Variants in NRG1 observed in about 807,000 individuals in gnomAD.
The protein encoded by NRG1 is neuregulin 1.
A neutral mutation model predicts 63.8 loss-of-function variants in NRG1; 18 were observed. The observed-to-expected ratio is 0.28, with a 90% CI of 0.19 to 0.42. The LOEUF (loss-of-function observed/expected upper bound fraction) is 0.42, where lower values mean the gene tolerates loss of function less well. Ranked by LOEUF, NRG1 falls within the 10% of genes least tolerant of loss-of-function variation. The pLI, the probability that NRG1 is intolerant of heterozygous loss-of-function variation, is 1.00. For synonymous variants in NRG1, 302 were observed against 301.3 expected (o/e 1.00, Z -0.02); for missense variants, 762 against 814.7 (o/e 0.94, Z 0.79).
intron 1 of NRG1, among the ~76,000 whole-genome samples, chr8:32,071,409 C>T (rs1413707638): frequency 6.6e-6 from 1 of 152,126 alleles, no homozygotes; most frequent in Non-Finnish European, 1.5e-5. Flanking sequence ...TAGACACGAT[C>T]TTCTCAGTTT....
exon 12 of NRG1, chr8:32,766,613 A>G (rs1011874545): frequency 2.0e-5 from 3 of 152,238 alleles, no homozygotes; most frequent in Non-Finnish European, 4.4e-5. Context: ...GAAGAATTTT[A>G]AGAATAAATA....
intron 1 of NRG1, among the ~76,000 whole-genome samples, chr8:32,166,033 T>C (rs921162579): frequency 1.3e-5 from 2 of 152,152 alleles, no homozygotes; most frequent in African/African-American, 4.8e-5. Context: ...AGGTAAAGAT[T>C]TTGATGCCAT....
At chr8:31,680,154 ATTATAC>A (rs1200336031) in intron 1 of NRG1, among the ~76,000 whole-genome samples, 2 of 149,888 alleles carry the variant, frequency 1.3e-5, no homozygotes, top group African/African-American at 4.9e-5. Flanking sequence ...TTTTTTTATT[ATTATAC>A]TTTAAGTTTT....
chr8:32,393,800 A>G (rs1459441444), intron 1 of NRG1, among the ~76,000 whole-genome samples: 3 of 152,116 alleles, frequency 2.0e-5, no homozygotes, highest in African/African-American at 7.2e-5. Context: ...TAGTACCTGG[A>G]TGATGAAGTG....
At chr8:32,752,074 G>A (rs938569931) in intron 7 of NRG1, among the ~76,000 whole-genome samples, 2 of 152,128 alleles carry the variant, frequency 1.3e-5, no homozygotes, top group African/African-American at 4.8e-5. Flanking sequence ...AACAATAGAG[G>A]ACGGAAAAGA....
chr8:32,478,291 C>T (rs998820781), intron 1 of NRG1, among the ~76,000 whole-genome samples: 3 of 152,094 alleles, frequency 2.0e-5, no homozygotes, highest in Non-Finnish European at 1.5e-5. Context: ...AGCCTGGGGG[C>T]CCTTTTAGGT....
At chr8:32,620,094 A>G (rs1297419252) in intron 5 of NRG1, among the ~76,000 whole-genome samples, 1 of 152,224 alleles carries the variant, frequency 6.6e-6, no homozygotes, top group Non-Finnish European at 1.5e-5. Flanking sequence ...GTCAGCAATA[A>G]CAATAAGCCA....
intron 1 of NRG1, among the ~76,000 whole-genome samples, chr8:32,300,809 T>A (rs575775257): frequency 1.3e-5 from 2 of 152,302 alleles, no homozygotes; most frequent in East Asian, 3.9e-4. Context: ...TGTTTTCGAG[T>A]CACAGAGAAA....
chr8:32,741,492 A>G (rs935532855), intron 6 of NRG1, among the ~76,000 whole-genome samples: 1 of 152,164 alleles, frequency 6.6e-6, no homozygotes, highest in African/African-American at 2.4e-5. Context: ...CTTGTCAATA[A>G]TCATTATAGT....
At chr8:32,240,730 G>C (rs1160048297) in intron 1 of NRG1, among the ~76,000 whole-genome samples, 2 of 151,860 alleles carry the variant, frequency 1.3e-5, no homozygotes, top group African/African-American at 4.8e-5. Flanking sequence ...AAAAAAAAAT[G>C]CTTTGTCCTA....
intron 1 of NRG1, among the ~76,000 whole-genome samples, chr8:31,675,636 C>A (rs1221108450): frequency 6.6e-6 from 1 of 152,128 alleles, no homozygotes; most frequent in African/African-American, 2.4e-5. Context: ...TAAAAAAACA[C>A]TGGGCATCAT....
At chr8:31,766,531 TG>T (rs1298421585) in intron 1 of NRG1, among the ~76,000 whole-genome samples, 1 of 152,196 alleles carries the variant, frequency 6.6e-6, no homozygotes, top group East Asian at 1.9e-4. Context: ...CCCTAGGAAA[TG>T]TCAGTAGAGT....
intron 1 of NRG1, among the ~76,000 whole-genome samples, chr8:32,213,929 T>C (rs1287712968): frequency 6.6e-6 from 1 of 152,174 alleles, no homozygotes; most frequent in Non-Finnish European, 1.5e-5. Context: ...AATAAATTTT[T>C]AGAGAAATGA....
intron 1 of NRG1, among the ~76,000 whole-genome samples, chr8:32,023,014 C>G (rs1467710664): frequency 6.6e-6 from 1 of 152,100 alleles, no homozygotes; most frequent in African/African-American, 2.4e-5. Flanking sequence ...TGATTTTTTA[C>G]TCTACTGAGA....
chr8:32,444,979 G>A (rs1563473929), intron 1 of NRG1, among the ~76,000 whole-genome samples: 1 of 152,168 alleles, frequency 6.6e-6, no homozygotes, highest in Non-Finnish European at 1.5e-5. Context: ...TACATGTAGT[G>A]GTGATTCACA....
intron 1 of NRG1, among the ~76,000 whole-genome samples, chr8:31,881,190 A>G (rs181706097): frequency 9.2e-5 from 14 of 152,278 alleles, no homozygotes; most frequent in Admixed American, 2.6e-4. Flanking sequence ...TGACAATCCT[A>G]TGTCAAGCAA....
At chr8:32,651,255 G>T (rs1855061148) in intron 5 of NRG1, among the ~76,000 whole-genome samples, 1 of 151,944 alleles carries the variant, frequency 6.6e-6, no homozygotes, top group Admixed American at 6.6e-5. Flanking sequence ...CATTCATGTA[G>T]GTCTTAAGAA....
chr8:31,908,161 A>G (rs2129616786), intron 1 of NRG1, among the ~76,000 whole-genome samples: 1 of 152,324 alleles, frequency 6.6e-6, no homozygotes. Context: ...ATTTAGACTT[A>G]GTGATCTTTC....
intron 1 of NRG1, among the ~76,000 whole-genome samples, chr8:31,844,976 G>A (rs770964620): frequency 2.0e-5 from 3 of 151,974 alleles, no homozygotes; most frequent in East Asian, 1.9e-4. Context: ...ATGTGGTGGC[G>A]GGTGCCTGTA....
Sources: gnomAD v4.1 joint callset for allele counts (sites outside exome capture counted in the v4.1 genomes callset) on GRCh38, gnomAD v4.1.1 for gene constraint, MANE v1.5 for transcripts, NCBI Gene and HGNC (gene_info 2026-07-23, HGNC 2026-07-21) for gene names.